The following SLC38A12 variants were observed in gnomAD, a reference collection of about 807,000 sequenced individuals.
SLC38A12 encodes the protein solute carrier family 38 member 12.
chr17:74,838,219 T>C, the SLC38A12 span: 5 of 985,742 alleles, frequency 5.1e-6, no homozygotes, highest in East Asian at 5.7e-4. Context: ...GTGTTTCTCA[T>C]AGCTTGTCCC....
the SLC38A12 span, among the ~76,000 whole-genome samples, chr17:74,795,301 C>G: frequency 6.6e-6 from 1 of 151,978 alleles, no homozygotes; most frequent in South Asian, 2.1e-4. Flanking sequence ...TGTCACTGTC[C>G]CCTTCCCTGC....
chr17:74,837,783 G>A, the SLC38A12 span: 1 of 985,934 alleles, frequency 1.0e-6, no homozygotes, highest in Non-Finnish European at 1.2e-6. Flanking sequence ...GGCCTCCTGG[G>A]AAACACAGGT....
chr17:74,792,795 A>C, the SLC38A12 span, among the ~76,000 whole-genome samples: 4 of 152,242 alleles, frequency 2.6e-5, no homozygotes, highest in Non-Finnish European at 5.9e-5. Flanking sequence ...CCGGCCTCAC[A>C]GAGGGATTTC....
the SLC38A12 span, among the ~76,000 whole-genome samples, chr17:74,786,800 T>C: frequency 6.6e-6 from 1 of 152,198 alleles, no homozygotes; most frequent in Non-Finnish European, 1.5e-5. Flanking sequence ...ATTGGTTCAT[T>C]ATCTACAGTG....
chr17:74,797,832 T>C, the SLC38A12 span, among the ~76,000 whole-genome samples: 1 of 152,164 alleles, frequency 6.6e-6, no homozygotes, highest in Non-Finnish European at 1.5e-5. Flanking sequence ...CATCTTCCCC[T>C]CCCAAGTCTG....
chr17:74,777,208 C>T, the SLC38A12 span: 4 of 1,133,774 alleles, frequency 3.5e-6, no homozygotes, highest in Non-Finnish European at 5.3e-6. Flanking sequence ...CTGCAAGCCT[C>T]CTCCCACCCC....
chr17:74,787,161 C>T, the SLC38A12 span, among the ~76,000 whole-genome samples: 1 of 152,174 alleles, frequency 6.6e-6, no homozygotes, highest in Admixed American at 6.5e-5. Context: ...TCAGAGCTGG[C>T]TGCTCCCCCA....
chr17:74,829,746 C>G, the SLC38A12 span, among the ~76,000 whole-genome samples: 7 of 152,174 alleles, frequency 4.6e-5, no homozygotes, highest in Non-Finnish European at 1.0e-4. The surrounding 1 kb of genome is among the most constrained non-coding windows in gnomAD (Gnocchi z 4.1). Flanking sequence ...ATGGCTCTTT[C>G]TGCTCCACCC....
At chr17:74,795,696 G>A in the SLC38A12 span, 2 of 1,296,978 alleles carry the variant, frequency 1.5e-6, no homozygotes, top group Non-Finnish European at 2.2e-6. Flanking sequence ...GGCATTTGAA[G>A]TGCCTTTACT....
the SLC38A12 span, among the ~76,000 whole-genome samples, chr17:74,805,635 C>A: frequency 6.6e-6 from 1 of 152,162 alleles, no homozygotes; most frequent in East Asian, 1.9e-4. The surrounding 1 kb of genome is among the most constrained non-coding windows in gnomAD (Gnocchi z 5.0). Flanking sequence ...TTACTCAGTT[C>A]CCGGTCTATT....
the SLC38A12 span, among the ~76,000 whole-genome samples, chr17:74,813,514 G>A: frequency 6.6e-6 from 1 of 151,898 alleles, no homozygotes; most frequent in East Asian, 1.9e-4. Context: ...TTTTGAGACA[G>A]GGTCTCGCTC....
At chr17:74,830,749 C>T in the SLC38A12 span, among the ~76,000 whole-genome samples, 4 of 152,342 alleles carry the variant, frequency 2.6e-5, no homozygotes, top group Admixed American at 1.3e-4. Flanking sequence ...GCTCAGGACT[C>T]GTGCCTGTTT....
At chr17:74,835,859 C>T in the SLC38A12 span, 5 of 1,522,506 alleles carry the variant, frequency 3.3e-6, no homozygotes, top group Non-Finnish European at 4.4e-6. Flanking sequence ...AAGGCGCCCC[C>T]CAGACCAGAA....
the SLC38A12 span, among the ~76,000 whole-genome samples, chr17:74,827,280 C>T: frequency 1.3e-5 from 2 of 151,354 alleles, no homozygotes; most frequent in Non-Finnish European, 2.9e-5. The surrounding 1 kb of genome is among the most constrained non-coding windows in gnomAD (Gnocchi z 4.7). Context: ...AACCCTTCAG[C>T]GTCCCTACAG....
the SLC38A12 span, among the ~76,000 whole-genome samples, chr17:74,795,302 C>T: frequency 6.6e-6 from 1 of 151,958 alleles, no homozygotes; most frequent in Non-Finnish European, 1.5e-5. Flanking sequence ...GTCACTGTCC[C>T]CTTCCCTGCC....
the SLC38A12 span, among the ~76,000 whole-genome samples, chr17:74,794,726 C>T: frequency 6.6e-6 from 1 of 152,128 alleles, no homozygotes; most frequent in African/African-American, 2.4e-5. Flanking sequence ...CTCACACTCA[C>T]CGTGCACCTG....
chr17:74,790,609 G>A, the SLC38A12 span, among the ~76,000 whole-genome samples: 2,834 of 151,996 alleles, frequency 0.019, 83 homozygotes, highest in African/African-American at 0.064. Context: ...GGTGCACCCT[G>A]GAAGCTCAAG....
chr17:74,828,116 G>A, the SLC38A12 span, among the ~76,000 whole-genome samples: 4 of 152,298 alleles, frequency 2.6e-5, no homozygotes, highest in South Asian at 2.1e-4. Flanking sequence ...AGAGAGTGCC[G>A]CTCCCAGACA....
chr17:74,822,119 A>T, the SLC38A12 span, among the ~76,000 whole-genome samples: 2 of 152,180 alleles, frequency 1.3e-5, no homozygotes, highest in South Asian at 2.1e-4. Flanking sequence ...AAAGGAGAAG[A>T]GGAGGCTGAG....
Sources: gnomAD v4.1 joint callset for allele counts (sites outside exome capture counted in the v4.1 genomes callset) on GRCh38, gnomAD v4.1.1 for gene constraint, Gnocchi (gnomAD v3.1) non-coding constraint, MANE v1.5 for transcripts, NCBI Gene and HGNC (gene_info 2026-07-23, HGNC 2026-07-21) for gene names.